Variants in SBF1 observed in about 807,000 individuals in gnomAD.
SBF1 encodes SET binding factor 1, also known as myotubularin-related protein 5.
Under a neutral mutation model 215.8 loss-of-function variants are expected in SBF1, and 65 were observed. The observed-to-expected ratio is 0.30, with a 90% confidence interval of 0.25 to 0.37. The LOEUF is 0.37. Among genes scored for constraint, SBF1 ranks in the 10% least tolerant of loss-of-function variants. The probability of loss-of-function intolerance (pLI) is 1.00; values close to 1 mark genes in which losing one functional copy is unlikely to be tolerated. For synonymous variants in SBF1, 1,410 were observed against 1,122.8 expected (o/e 1.26, Z -5.11); for missense variants, 2,634 against 2,667.8 (o/e 0.99, Z 0.28).
chr22:50,474,619 AG>A (rs1484944686), intron 1 of SBF1, among the ~76,000 whole-genome samples, 166 bp downstream of exon 1: 2 of 65,524 alleles, frequency 3.1e-5, no homozygotes, highest in South Asian at 5.1e-4. Context: ...CTCAGCGCCC[AG>A]CCCCCGGTCC....
chr22:50,449,691 AAG>A lies in SBF1; in HGVS notation c.5044-1043_5044-1042del, dbSNP rs1213219312. Among the ~76,000 whole-genome samples, 7 of 136,110 alleles carry A rather than the reference AAG, an allele frequency of 5.1e-5. No individual in the cohort carries two copies. In the East Asian group the frequency reaches 5.9e-4, roughly 12 times the overall value. The allele number at this position is 136,110 out of a possible 152,430, so 89.3% of individuals were successfully genotyped here. ...GGGACAGAAAAACTGCTGAAAAACA[AAG>A]AGAAAAGTCCCAAAACCTGCCAGAA... On this transcript the variant is annotated intron_variant, in intron 36 of 40. Coordinates refer to ENST00000380817, the MANE Select transcript of SBF1 (RefSeq NM_002972.4).
At chr22:50,451,784 C>G (rs1051466511) in intron 36 of SBF1, among the ~76,000 whole-genome samples, 7 of 150,134 alleles carry the variant, frequency 4.7e-5, no homozygotes, top group African/African-American at 1.7e-4. Context: ...GGCCAGAAAA[C>G]AAAGTAATAT....
chr22:50,445,376 G>C lies in SBF1; in HGVS notation c.*1766C>G, dbSNP rs1421295381. 1 of 152,228 alleles carries C rather than the reference G, an allele frequency of 6.6e-6. No homozygotes were observed. The highest frequency in any genetic ancestry group is 1.5e-5 in the Non-Finnish European group (1 of 68,080). The allele number at this position is 152,228 out of a possible 1,614,324, so 9.4% of individuals were successfully genotyped here. On this transcript the variant is annotated 3_prime_UTR_variant, in exon 41 of 41. Coordinates refer to ENST00000380817, the MANE Select transcript of SBF1 (RefSeq NM_002972.4). ...CTCCCAGAAGCCTGGGCCCCACCTT[G>C]TCCTCAGTGGCTGAGTGGGAGGGGC...
chr22:50,456,120 A>C, intron 31 of SBF1, 96 bp downstream of exon 31: 1 of 1,316,412 alleles, frequency 7.6e-7, no homozygotes, highest in Non-Finnish European at 1.0e-6. Flanking sequence ...AGCGCTCCAC[A>C]CTGTCAGACA....
In SBF1 at chr22:50,448,605, A is replaced by T. The variant is rs747383843; in HGVS notation, c.5089T>A (p.Trp1697Arg). 2 of 1,611,916 alleles carry T rather than the reference A, an allele frequency of 1.2e-6. No individual in the cohort carries two copies. The highest frequency in any genetic ancestry group is 2.2e-5 in the South Asian group (2 of 91,086). Residue 1697 changes from tryptophan to arginine, a missense_variant, in exon 37 of 41, where the codon TGG becomes AGG. Coordinates refer to ENST00000380817, the MANE Select transcript of SBF1 (RefSeq NM_002972.4). ...TTCACCCGGTCCCAGGTGTCCTTCC[A>T]GCGCTCAGCGGGTTGGCCCAACTCT... ...ETELGQPAER[W>R]KDTWDRVKAA...
In SBF1 at chr22:50,462,441, C is replaced by T. The variant is rs1346013863; in HGVS notation, c.2160G>A (p.Glu720=). ...CAGAAGCCACGTCTAGGGCAGAGCG[C>T]TCGTCCTCCTGGGAAGGTGCCTCCC... ...EVGEAPSQED[E]RSALDVASEQ... Residue 720 remains glutamate, a synonymous_variant, in exon 19 of 41, where the codon GAG becomes GAA. Coordinates refer to ENST00000380817, the MANE Select transcript of SBF1 (RefSeq NM_002972.4). 1 of 1,613,948 alleles carries T rather than the reference C, an allele frequency of 6.2e-7. No homozygotes were observed. Among genetic ancestry groups the T allele is most frequent in the Admixed American group, 1.7e-5 (1 of 60,030 alleles).
Position 50,455,308 on chromosome 22 carries a change from G to A in SBF1, c.4470C>T (p.Phe1490=). Residue 1490 remains phenylalanine (F), a synonymous_variant, in exon 33 of 41, where the codon TTC becomes TTT. Coordinates refer to ENST00000380817, the MANE Select transcript of SBF1 (RefSeq NM_002972.4). ...CCAGGGTGTGAGCTCCACGGTGGCT[G>A]AAGCGATGGCCGAAGGACAGCCACT... is the stretch of plus-strand genomic sequence containing the variant. ...EKEWLSFGHR[F]SHRGAHTLAG... The A allele has an allele frequency of 6.2e-7, 1 of 1,613,492 alleles. No individual in the cohort carries two copies. The highest frequency in any genetic ancestry group is 8.5e-7 in the Non-Finnish European group (1 of 1,179,944).
chr22:50,474,106 T>C (rs1389319336), intron 1 of SBF1, among the ~76,000 whole-genome samples: 1 of 152,140 alleles, frequency 6.6e-6, no homozygotes, highest in Non-Finnish European at 1.5e-5. Flanking sequence ...CACACAGACC[T>C]CCTGGGCATG....
chr22:50,468,788 C>A (rs2067888000), intron 1 of SBF1, among the ~76,000 whole-genome samples: 1 of 152,028 alleles, frequency 6.6e-6, no homozygotes, highest in Admixed American at 6.6e-5. Context: ...CAGGCCCCCA[C>A]AGCATCTGCC....
chr22:50,474,718 ACCCAGCCCCTGGCCCTCAGC>A, intron 1 of SBF1, 48 bp downstream of exon 1: 6 of 1,271,530 alleles, frequency 4.7e-6, no homozygotes, highest in Non-Finnish European at 6.3e-6. Flanking sequence ...CGACCCTCAG[ACCCAGCCCCTGGCCCTCAGC>A]ACTCGACCCT....
chr22:50,472,386 T>C (rs967551313), intron 1 of SBF1, among the ~76,000 whole-genome samples: 1 of 151,962 alleles, frequency 6.6e-6, no homozygotes, highest in African/African-American at 2.4e-5. Context: ...CCAATCCTAA[T>C]CCCCAACCCA....
In SBF1 at chr22:50,446,999, C is replaced by G. The variant is rs557895138; in HGVS notation, c.*143G>C. 3.9e-6 allele frequency: 3 copies of G among 771,676 alleles called. No homozygotes were observed. Among genetic ancestry groups the G allele is most frequent in the Admixed American group, 4.2e-5 (2 of 47,884 alleles). The allele number at this position is 771,676 out of a possible 1,614,324, so 47.8% of individuals were successfully genotyped here. A position where few individuals can be genotyped will look rare whatever the true frequency, so the allele number is the denominator to read the frequency against. ...CCGGCCGGGCGGGGCGGGGCGGGGA[C>G]GGGGGCTGTACACACAAGTGCTGGG... is the stretch of plus-strand genomic sequence containing the variant. On this transcript the variant is annotated 3_prime_UTR_variant, in exon 41 of 41. Transcript: ENST00000380817.
chr22:50,454,393 A>G, intron 36 of SBF1, 119 bp downstream of exon 36: 1 of 907,000 alleles, frequency 1.1e-6, no homozygotes, highest in Non-Finnish European at 1.7e-6. Flanking sequence ...GGCCACACCA[A>G]CCCCCAGGGG....
In SBF1 at chr22:50,457,023, C is replaced by G; in HGVS notation, c.3904+11G>C. On this transcript the variant is annotated intron_variant, in intron 29 of 40. Coordinates refer to ENST00000380817, the MANE Select transcript of SBF1 (RefSeq NM_002972.4). ...AAGGGGAGGCGGGCCTGCGCAGGCT[C>G]GGTACGGTACCTCGGGGTGCGGTCC... 7.0e-7 allele frequency: 1 copy of G among 1,420,228 alleles called. No homozygotes were observed. Among genetic ancestry groups the G allele is most frequent in the Non-Finnish European group, 9.2e-7 (1 of 1,087,646 alleles). The allele number at this position is 1,420,228 out of a possible 1,614,324, so 88.0% of individuals were successfully genotyped here. A position where few individuals can be genotyped will look rare whatever the true frequency, so the allele number is the denominator to read the frequency against.
intron 23 of SBF1, 37 bp downstream of exon 23, chr22:50,461,122 C>T (rs369990418): frequency 8.3e-6 from 13 of 1,561,708 alleles, no homozygotes; most frequent in African/African-American, 2.7e-5. Context: ...AAGACCAGGG[C>T]GGGGGATGAG....
rs537717966 is a variant in SBF1, at chr22:50,456,282, G to A, written c.4200C>T (p.Cys1400=). Residue 1400 remains cysteine (C), a synonymous_variant, in exon 31 of 41, where the codon TGC becomes TGT. Transcript: ENST00000380817. ...KKLLKACVPG[C]PAAEPSPASF... is the part of the protein sequence containing the mutation. ...AGGCTGGGCTGGGCTCAGCAGCGGG[G>A]CAGCCTGGGACACATGCTTTCAGCA... The A allele has an allele frequency of 6.8e-6, 11 of 1,612,772 alleles. No homozygotes were observed. The African/African-American group carries it at 1.3e-4, about 20-fold the overall frequency.
chr22:50,448,189 C>T, intron 38 of SBF1, 44 bp downstream of exon 38: 1 of 1,582,452 alleles, frequency 6.3e-7, no homozygotes, highest in Non-Finnish European at 8.6e-7. Flanking sequence ...CCCCAGAACA[C>T]CAGCTCAGAG....
intron 1 of SBF1, among the ~76,000 whole-genome samples, chr22:50,473,950 A>C (rs912244096): frequency 6.6e-6 from 1 of 152,248 alleles, no homozygotes; most frequent in East Asian, 1.9e-4. Context: ...AGGTGAGATC[A>C]TGTACACAAA....
rs2067553637 is a variant in SBF1 at position 50,462,349 on chromosome 22, C to T, written c.2252G>A (p.Ser751Asn). 6.2e-7 allele frequency: 1 copy of T among 1,614,152 alleles called. No individual in the cohort carries two copies. The highest frequency in any genetic ancestry group is 8.5e-7 in the Non-Finnish European group (1 of 1,180,030). The change falls in exon 19 of 41, where the codon AGC (serine) becomes AAC (asparagine). Residue 751 changes from serine (S) to asparagine (N), a missense_variant. Physicochemically the swap from Ser to Asn is conservative, Grantham distance 46. Transcript: ENST00000380817. ...GTGGATGGCCTGGCTGAACACCGTGCTCTCCTCCTTCTGCACCAGCTCCTG... is the reference window on the plus strand; with the variant it reads ...GTGGATGGCCTGGCTGAACACCGTGTTCTCCTCCTTCTGCACCAGCTCCTG... ...KQQELVQKEE[S>N]TVFSQAIHYA...
Sources: allele counts gnomAD v4.1 joint callset (sites outside exome capture counted in the v4.1 genomes callset), GRCh38; gene constraint gnomAD v4.1.1; transcripts MANE v1.5; gene names NCBI Gene and HGNC (gene_info 2026-07-23, HGNC 2026-07-21).